IGBP1: variants seen among roughly 807,000 people sequenced by gnomAD.
The protein encoded by IGBP1 is immunoglobulin-binding protein 1.
In IGBP1, 2 loss-of-function variants were observed where a neutral mutation model predicts 25.9. The observed-to-expected ratio is 0.08, with a 90% CI of 0.03 to 0.24. The LOEUF (loss-of-function observed/expected upper bound fraction) is 0.24. IGBP1 is among the 10% of genes least tolerant of loss of function. The probability of loss-of-function intolerance (pLI) is 1.00; values close to 1 mark genes in which losing one functional copy is unlikely to be tolerated. For synonymous variants in IGBP1, 96 were observed against 93.4 expected, an observed-to-expected ratio of 1.03 and a Z score of -0.16; for missense variants, 187 against 260.4, an observed-to-expected ratio of 0.72 and a Z score of 1.94.
chrX:70,149,769 C>T (rs1369302295), intron 5 of IGBP1: 2 of 139,057 alleles, frequency 1.4e-5, no homozygotes, highest in Non-Finnish European at 2.8e-5. Flanking sequence ...TATTGGCACT[C>T]TTCCTGCCTT....
chrX:70,144,650 CTTTTTTTTTTTTTT>C (rs138993842), intron 3 of IGBP1, among the ~76,000 whole-genome samples: 1 of 27,740 alleles, frequency 3.6e-5, no homozygotes, highest in African/African-American at 1.5e-4. Context: ...TGGTTCTTGA[CTTTTTTTTTTTTTT>C]TTTTTTTTTT....
At chrX:70,137,958 C>T (rs2085106485) in intron 3 of IGBP1, among the ~76,000 whole-genome samples, 1 of 96,758 alleles carries the variant, frequency 1.0e-5, no homozygotes, top group African/African-American at 4.0e-5. Flanking sequence ...CATGGCAAAA[C>T]GCCATCTCTG....
chrX:70,148,159 C>T (rs755515336), intron 4 of IGBP1, among the ~76,000 whole-genome samples: 3 of 111,726 alleles, frequency 2.7e-5, no homozygotes, highest in Admixed American at 1.9e-4. Flanking sequence ...TGAAAGTGAT[C>T]GAGCTAGAAC....
intron 3 of IGBP1, 31 bp downstream of exon 3, chrX:70,134,847 C>G (rs1308625794): frequency 8.5e-7 from 1 of 1,171,461 alleles, no homozygotes; most frequent in African/African-American, 1.8e-5. Flanking sequence ...TGAGGCCTGC[C>G]CAATGGCGGT....
At chrX:70,136,727 T>TATTATTATA (rs751626880) in intron 3 of IGBP1, among the ~76,000 whole-genome samples, 3 of 107,671 alleles carry the variant, frequency 2.8e-5, no homozygotes, top group African/African-American at 1.0e-4. Flanking sequence ...TTATTATTAT[T>TATTATTATA]ATACAGAGTT....
intron 6 of IGBP1, among the ~76,000 whole-genome samples, chrX:70,154,024 G>A (rs920732060): frequency 3.7e-5 from 4 of 107,825 alleles, no homozygotes; most frequent in African/African-American, 1.0e-4. Context: ...TGGGATTGTT[G>A]TGCACCATCC....
intron 6 of IGBP1, among the ~76,000 whole-genome samples, chrX:70,151,392 T>C (rs1022866779): frequency 1.8e-5 from 2 of 109,388 alleles, no homozygotes; most frequent in Admixed American, 9.7e-5. Context: ...TCCAAGCTGG[T>C]CTCAAACTCC....
At chrX:70,148,687 T>G (rs2085182440) in intron 4 of IGBP1, 74 bp from the exon 5 acceptor site, 1 of 691,134 alleles carries the variant, frequency 1.4e-6, no homozygotes, top group African/African-American at 2.1e-5. Context: ...TTCAAGCACC[T>G]GAAGACTTAA....
At chrX:70,155,977 A>G (rs2085238017) in intron 6 of IGBP1, among the ~76,000 whole-genome samples, 1 of 111,599 alleles carries the variant, frequency 9.0e-6, no homozygotes, top group Non-Finnish European at 1.9e-5. Flanking sequence ...CAATTTCAAT[A>G]TTGTTGTGTC....
intron 6 of IGBP1, among the ~76,000 whole-genome samples, chrX:70,154,714 C>CAAAAAAAAAAA (rs762954223): frequency 0.056 from 1,508 of 26,878 alleles, 263 homozygotes; most frequent in Middle Eastern, 0.11. Context: ...CCCCTCTCCA[C>CAAAAAAAAAAA]AAAAAAAAAA....
intron 6 of IGBP1, among the ~76,000 whole-genome samples, chrX:70,165,528 G>T (rs1041127434): frequency 1.8e-5 from 2 of 110,441 alleles, no homozygotes; most frequent in Non-Finnish European, 3.8e-5. Context: ...GGCTTGGGGG[G>T]GGTGGGTGTT....
At chrX:70,149,066 T>C in intron 5 of IGBP1, 1 of 361,500 alleles carries the variant, frequency 2.8e-6, no homozygotes, top group Non-Finnish European at 5.0e-6. Flanking sequence ...CTGTCTCTAC[T>C]AAAAATACAA....
chrX:70,142,320 A>G (rs1465538576), intron 3 of IGBP1, among the ~76,000 whole-genome samples: 1 of 110,964 alleles, frequency 9.0e-6, no homozygotes, highest in Admixed American at 9.6e-5. Context: ...GACAGAGTAG[A>G]GACCCTGTCT....
intron 3 of IGBP1, among the ~76,000 whole-genome samples, chrX:70,143,513 C>A (rs904845633): frequency 1.8e-5 from 2 of 112,256 alleles, no homozygotes; most frequent in African/African-American, 6.5e-5. Flanking sequence ...ATACAAGTTT[C>A]TAATTCCTTA....
intron 3 of IGBP1, among the ~76,000 whole-genome samples, chrX:70,141,449 C>T (rs773456085): frequency 1.8e-5 from 2 of 111,709 alleles, no homozygotes; most frequent in East Asian, 5.6e-4. Context: ...AATTATCTTC[C>T]CTCCCAGATA....
intron 5 of IGBP1, among the ~76,000 whole-genome samples, chrX:70,149,308 T>G (rs897572487): frequency 8.1e-5 from 9 of 110,985 alleles, no homozygotes; most frequent in African/African-American, 3.0e-4. Context: ...CCTGAAACTT[T>G]CTCCATGTCT....
At chrX:70,157,593 G>A (rs946441530) in intron 6 of IGBP1, among the ~76,000 whole-genome samples, 2 of 112,598 alleles carry the variant, frequency 1.8e-5, no homozygotes, top group African/African-American at 6.5e-5. Context: ...GTAGCAATAA[G>A]GTTAAACTAT....
Position 70,138,435 on chromosome X carries a change from C to T in IGBP1, c.482+3619C>T, listed in dbSNP as rs187573198. Among the ~76,000 whole-genome samples the T allele has an allele frequency of 2.5e-3, 249 of 99,581 alleles. 4 individuals are homozygous for T. The highest frequency in any genetic ancestry group is 9.0e-3 in the African/African-American group (239 of 26,592). The allele number at this position is 99,581 out of a possible 115,157, so 86.5% of individuals were successfully genotyped here. Reference sequence around the variant, plus strand: ...TGTTGAGGCTGCAGTGAGCTGTGATCGCACCATTGTATTCCAGCCTAGGTG... The same window carrying T: ...TGTTGAGGCTGCAGTGAGCTGTGATTGCACCATTGTATTCCAGCCTAGGTG... On this transcript the variant is annotated intron_variant, in intron 3 of 6. Transcript: ENST00000356413.
At chrX:70,138,480 C>CAAA (rs35566042) in intron 3 of IGBP1, among the ~76,000 whole-genome samples, 1,523 of 53,929 alleles carry the variant, frequency 0.028, 93 homozygotes, top group South Asian at 0.041. Context: ...GACCCTGTCT[C>CAAA]AAAAAAAAAA....
Sources: gnomAD v4.1 joint callset for allele counts (sites outside exome capture counted in the v4.1 genomes callset) on GRCh38, gnomAD v4.1.1 for gene constraint, MANE v1.5 for transcripts, NCBI Gene and HGNC (gene_info 2026-07-23, HGNC 2026-07-21) for gene names.